GRIA1: variants seen among roughly 807,000 people sequenced by gnomAD.
GRIA1 encodes the protein glutamate ionotropic receptor AMPA type subunit 1, also known as glutamate receptor 1.
A neutral mutation model predicts 99.2 loss-of-function variants in GRIA1; 31 were observed. The ratio of observed to expected loss-of-function variants is 0.31; its 90% CI spans 0.23 to 0.42. GRIA1 has a LOEUF of 0.42. Ranked by LOEUF, GRIA1 falls within the 10% of genes least tolerant of loss-of-function variation. GRIA1 has a pLI of 1.00. For missense variants in GRIA1, 782 were observed against 1,157.5 expected (o/e 0.68, Z 4.71); for synonymous variants, 438 against 432.4 (o/e 1.01, Z -0.16).
Position 153,763,603 on chromosome 5 carries a change from T to G in GRIA1, c.1824-831T>G, listed in dbSNP as rs536192902. Among the ~76,000 whole-genome samples, 10 of 152,300 alleles carry G rather than the reference T, an allele frequency of 6.6e-5. No homozygotes were observed. The East Asian group carries it at 1.9e-3, about 29-fold the overall frequency. On this transcript the variant is annotated intron_variant, in intron 11 of 15. Transcript: ENST00000285900. ...CCACATAAAATCACCACAAGTCACA[T>G]GCAAATCATCTTGTAATATCTTGGG...
intron 10 of GRIA1, among the ~76,000 whole-genome samples, chr5:153,701,909 T>A (rs1758561724): frequency 6.6e-6 from 1 of 152,188 alleles, no homozygotes; most frequent in African/African-American, 2.4e-5. Flanking sequence ...AGTAGTCACA[T>A]TTCATCGTGT....
intron 2 of GRIA1, among the ~76,000 whole-genome samples, chr5:153,599,253 CTT>C: frequency 6.6e-6 from 1 of 152,178 alleles, no homozygotes. Context: ...TAGTTTGACA[CTT>C]TTTATTACCT....
At chr5:153,702,477 G>A (rs558444636) in intron 10 of GRIA1, among the ~76,000 whole-genome samples, 1 of 152,332 alleles carries the variant, frequency 6.6e-6, no homozygotes, top group Non-Finnish European at 1.5e-5. Flanking sequence ...GCCTGGCTCA[G>A]AGCAGATCTC....
At chr5:153,642,047 C>A (rs1753810417) in intron 2 of GRIA1, among the ~76,000 whole-genome samples, 1 of 152,174 alleles carries the variant, frequency 6.6e-6, no homozygotes, top group South Asian at 2.1e-4. Flanking sequence ...GTATAGACTT[C>A]CCAGGGATGA....
chr5:153,748,451 G>A (rs747730621), intron 11 of GRIA1, among the ~76,000 whole-genome samples: 2 of 152,314 alleles, frequency 1.3e-5, no homozygotes, highest in South Asian at 2.1e-4. Context: ...GAGACAAGAC[G>A]CGGGCTGGCT....
intron 2 of GRIA1, among the ~76,000 whole-genome samples, chr5:153,585,098 A>C (rs184455544): frequency 6.0e-4 from 92 of 152,214 alleles, no homozygotes; most frequent in African/African-American, 1.9e-3. Flanking sequence ...TTTACTGAGC[A>C]CTTCTTAGGT....
chr5:153,764,566 C>T lies in GRIA1; in HGVS notation c.1956C>T (p.Asp652=). ...RMVSPIESAE[D]LAKQTEIAYG... is the part of the protein sequence containing the mutation. ...TGTCTCCCATTGAGAGTGCAGAGGA[C>T]CTAGCGAAGCAGACAGAAATTGCCT... The change falls in exon 12 of 16, where the codon GAC becomes GAT. Residue 652 remains aspartate, a synonymous_variant. Coordinates refer to ENST00000285900, the MANE Select transcript of GRIA1 (RefSeq NM_000827.4). The T allele has an allele frequency of 6.2e-7, 1 of 1,614,034 alleles. No homozygotes were observed. The highest frequency in any genetic ancestry group is 2.2e-5 in the East Asian group (1 of 44,868).
chr5:153,563,549 T>C (rs1301241870), intron 2 of GRIA1, among the ~76,000 whole-genome samples: 1 of 152,212 alleles, frequency 6.6e-6, no homozygotes, highest in Non-Finnish European at 1.5e-5. Flanking sequence ...GGGAAAAAAA[T>C]TAAACAACAT....
chr5:153,695,278 A>G (rs552786188), intron 8 of GRIA1, among the ~76,000 whole-genome samples: 28 of 152,126 alleles, frequency 1.8e-4, no homozygotes, highest in Non-Finnish European at 2.6e-4. Context: ...AAAAAACAAA[A>G]CAATACCAAA....
chr5:153,508,950 A>T (rs1382803659), intron 2 of GRIA1, among the ~76,000 whole-genome samples: 1 of 152,156 alleles, frequency 6.6e-6, no homozygotes, highest in African/African-American at 2.4e-5. Context: ...CTACAAAAAG[A>T]CCTGCTCTCC....
At chr5:153,619,633 A>C (rs2149420554) in intron 2 of GRIA1, among the ~76,000 whole-genome samples, 1 of 152,308 alleles carries the variant, frequency 6.6e-6, no homozygotes, top group African/African-American at 2.4e-5. Flanking sequence ...CCATTTATTT[A>C]AAATGGAAAA....
intron 7 of GRIA1, among the ~76,000 whole-genome samples, chr5:153,678,162 CAGA>C (rs932115262): frequency 2.0e-5 from 3 of 152,194 alleles, no homozygotes; most frequent in Admixed American, 1.3e-4. Context: ...CGACATTCAG[CAGA>C]AGATGAATTT....
intron 2 of GRIA1, among the ~76,000 whole-genome samples, chr5:153,558,921 T>C (rs1200940104): frequency 2.0e-5 from 3 of 152,162 alleles, no homozygotes; most frequent in Non-Finnish European, 4.4e-5. Flanking sequence ...TTGGGTTCTT[T>C]AAGCTCTGTG....
chr5:153,513,713 A>C (rs989090280), intron 2 of GRIA1, among the ~76,000 whole-genome samples: 7 of 152,232 alleles, frequency 4.6e-5, no homozygotes, highest in Non-Finnish European at 1.0e-4. Context: ...TCTGTTGAAC[A>C]GATCATAAAG....
intron 5 of GRIA1, among the ~76,000 whole-genome samples, chr5:153,663,989 A>G (rs949518106): frequency 5.9e-5 from 9 of 152,174 alleles, no homozygotes; most frequent in African/African-American, 1.7e-4. Context: ...GACAGTGACT[A>G]TGATTGCTCT....
chr5:153,794,306 G>T (rs527862752), intron 13 of GRIA1, among the ~76,000 whole-genome samples: 1 of 151,934 alleles, frequency 6.6e-6, no homozygotes, highest in African/African-American at 2.4e-5. Context: ...GCAAAGAAAA[G>T]AAAAAAAGAA....
chr5:153,741,762 G>T (rs961783382), intron 11 of GRIA1, among the ~76,000 whole-genome samples: 1 of 152,150 alleles, frequency 6.6e-6, no homozygotes, highest in Non-Finnish European at 1.5e-5. Context: ...AGGGGGAAAT[G>T]AGGAGTTACT....
chr5:153,604,669 T>G (rs2149402096), intron 2 of GRIA1, among the ~76,000 whole-genome samples: 1 of 152,306 alleles, frequency 6.6e-6, no homozygotes, highest in South Asian at 2.1e-4. Flanking sequence ...CTTTACCACC[T>G]AAGCATGCAT....
intron 11 of GRIA1, among the ~76,000 whole-genome samples, chr5:153,743,827 C>A (rs1761975255): frequency 6.6e-6 from 1 of 152,180 alleles, no homozygotes; most frequent in Non-Finnish European, 1.5e-5. Flanking sequence ...GGGCAGAGGT[C>A]ATGGGGCGAT....
Sources: gnomAD v4.1 joint callset for allele counts (sites outside exome capture counted in the v4.1 genomes callset) on GRCh38, gnomAD v4.1.1 for gene constraint, MANE v1.5 for transcripts, NCBI Gene and HGNC (gene_info 2026-07-23, HGNC 2026-07-21) for gene names.